Variants in LY96 observed in about 807,000 individuals in gnomAD.
LY96 encodes myeloid differentiation protein-2.
Under a neutral mutation model 18.9 loss-of-function variants are expected in LY96, and 18 were observed. That is an observed-to-expected ratio of 0.95 (90% CI 0.66 to 1.41). The LOEUF is 1.41. Among genes scored for constraint, LY96 ranks in the 40% most tolerant of loss-of-function variants. The probability of loss-of-function intolerance (pLI) is 0.00; values close to 1 mark genes in which losing one functional copy is unlikely to be tolerated. For synonymous variants in LY96, 66 were observed against 62.6 expected, an observed-to-expected ratio of 1.06 and a Z score of -0.26; for missense variants, 175 against 182.4, an observed-to-expected ratio of 0.96 and a Z score of 0.23.
the LY96 span, among the ~76,000 whole-genome samples, chr8:74,072,332 A>C: frequency 6.6e-6 from 1 of 152,170 alleles, no homozygotes. Context: ...TCCTAATGAA[A>C]TTAAAAATTT....
At chr8:74,008,039 C>T (rs142840016) in intron 2 of LY96, among the ~76,000 whole-genome samples, 1,725 of 152,302 alleles carry the variant, frequency 0.011, 33 homozygotes, top group African/African-American at 0.04. Flanking sequence ...GGATTACAGG[C>T]GTGAGCCACC....
intron 3 of LY96, among the ~76,000 whole-genome samples, chr8:74,020,270 C>A (rs1310974626): frequency 6.6e-6 from 1 of 152,102 alleles, no homozygotes; most frequent in Non-Finnish European, 1.5e-5. Context: ...TCCTATACAC[C>A]AATAACAGAC....
intron 3 of LY96, among the ~76,000 whole-genome samples, chr8:74,019,138 A>AT (rs1212964191): frequency 6.6e-6 from 1 of 152,144 alleles, no homozygotes; most frequent in Non-Finnish European, 1.5e-5. Flanking sequence ...CCAGGAGCTG[A>AT]TTTTTTGAAA....
the LY96 span, among the ~76,000 whole-genome samples, chr8:74,067,179 G>A: frequency 9.2e-5 from 14 of 152,178 alleles, no homozygotes; most frequent in African/African-American, 3.4e-4. Context: ...GTGCATGACA[G>A]CCCTCCCTTC....
the LY96 span, among the ~76,000 whole-genome samples, chr8:74,046,335 C>G: frequency 6.6e-6 from 1 of 152,122 alleles, no homozygotes; most frequent in East Asian, 1.9e-4. Context: ...GTCAAGTGTT[C>G]ACAAAGACCT....
At chr8:74,007,425 T>C (rs1242957425) in intron 2 of LY96, among the ~76,000 whole-genome samples, 1 of 152,214 alleles carries the variant, frequency 6.6e-6, no homozygotes, top group Non-Finnish European at 1.5e-5. Flanking sequence ...TTCAGTCATA[T>C]TTTTATAGCG....
At chr8:74,055,454 G>T in the LY96 span, among the ~76,000 whole-genome samples, 122 of 152,162 alleles carry the variant, frequency 8.0e-4, no homozygotes, top group African/African-American at 2.8e-3. Flanking sequence ...TATTCAAAGT[G>T]CCAGTCATAA....
intron 1 of LY96, among the ~76,000 whole-genome samples, chr8:73,996,564 T>C (rs1434519698): frequency 6.6e-6 from 1 of 151,866 alleles, no homozygotes; most frequent in Non-Finnish European, 1.5e-5. Context: ...ACTACAGCCA[T>C]GCATCACCAT....
the LY96 span, among the ~76,000 whole-genome samples, chr8:74,046,755 T>G: frequency 6.6e-6 from 1 of 152,294 alleles, no homozygotes; most frequent in South Asian, 2.1e-4. Flanking sequence ...GGGTAAACTA[T>G]GAATTTATCC....
Position 74,009,400 on chromosome 8 carries a change from G to GAAGAAAAGAA in LY96, c.203-589_203-580dup, listed in dbSNP as rs370257053. Among the ~76,000 whole-genome samples, 209 of 111,072 alleles carry GAAGAAAAGAA rather than the reference G, an allele frequency of 1.9e-3. 2 individuals are homozygous for GAAGAAAAGAA. Among genetic ancestry groups the GAAGAAAAGAA allele is most frequent in the African/African-American group, 6.7e-3 (189 of 28,268 alleles). 72.9% of individuals were successfully genotyped at this position (111,072 alleles called of 152,430 possible). A position where few individuals can be genotyped will look rare whatever the true frequency, so the allele number is the denominator to read the frequency against. ...AAAAAAAAAAAAAAAAAAAAAAAAA[G>GAAGAAAAGAA]AAGAAAAGAAAAGAAAAGAAAGAAA... On this transcript the variant is annotated intron_variant, in intron 2 of 4. Transcript: ENST00000284818.
Position 74,002,057 on chromosome 8 carries a change from TCC to T in LY96, c.113-2738_113-2737del, listed in dbSNP as rs1324507576. Among the ~76,000 whole-genome samples the T allele has an allele frequency of 2.0e-3, 84 of 41,810 alleles. 9 individuals carry two copies. The East Asian group carries it at 0.024, about 12-fold the overall frequency. The allele number at this position is 41,810 out of a possible 152,430, so 27.4% of individuals were successfully genotyped here. A position where few individuals can be genotyped will look rare whatever the true frequency, so the allele number is the denominator to read the frequency against. ...TTCCTTCCTTCCTTCCTTCCTTCCT[TCC>T]TTCCTTCCTTCCTTCCTTTCTTTCT... On this transcript the variant is annotated intron_variant, in intron 1 of 4. Transcript: ENST00000284818.
Position 74,001,975 on chromosome 8 carries a change from C to CTTCA in LY96, c.113-2818_113-2817insATTC, listed in dbSNP as rs1233200199. On this transcript the variant is annotated intron_variant, in intron 1 of 4. Transcript: ENST00000284818. ...CCTTCCTTCCTTCCTTCCTTCCTTC[C>CTTCA]TTCCCTCCCTCCCTCCCTCCTTTCT... is the stretch of plus-strand genomic sequence containing the variant. 1.1e-4 allele frequency among the ~76,000 whole-genome samples: 15 copies of CTTCA among 137,120 alleles called. 2 individuals carry two copies. The highest frequency in any genetic ancestry group is 4.0e-4 in the African/African-American group (14 of 34,776). 90.0% of individuals were successfully genotyped at this position (137,120 alleles called of 152,430 possible).
chr8:74,081,087 C>CTCTTTCTTTCTTTCTTTCTTTCTT, the LY96 span, among the ~76,000 whole-genome samples: 102 of 93,018 alleles, frequency 1.1e-3, 3 homozygotes, highest in East Asian at 3.2e-3. Flanking sequence ...TTCTCTTTCT[C>CTCTTTCTTTCTTTCTTTCTTTCTT]TCTTTCTTTC....
the LY96 span, among the ~76,000 whole-genome samples, chr8:74,076,301 C>A: frequency 6.6e-6 from 1 of 151,640 alleles, no homozygotes; most frequent in Non-Finnish European, 1.5e-5. Flanking sequence ...GCCAAGGATT[C>A]CTGATTCCAA....
chr8:74,092,332 A>T, the LY96 span, among the ~76,000 whole-genome samples: 5 of 152,286 alleles, frequency 3.3e-5, no homozygotes, highest in East Asian at 9.7e-4. Context: ...TAAAAGGAAA[A>T]CAGGGAAAAT....
the LY96 span, among the ~76,000 whole-genome samples, chr8:74,060,974 T>C: frequency 3.3e-5 from 5 of 152,262 alleles, no homozygotes; most frequent in Non-Finnish European, 7.3e-5. Flanking sequence ...TGAGCATTTC[T>C]ATACCTTCGT....
chr8:74,052,614 T>C, the LY96 span: 1 of 152,324 alleles, frequency 6.6e-6, no homozygotes, highest in South Asian at 2.1e-4. Flanking sequence ...GGCCTGTTGG[T>C]GGCATGGTGA....
chr8:74,026,228 T>C (rs534137989), intron 3 of LY96, among the ~76,000 whole-genome samples: 20 of 152,384 alleles, frequency 1.3e-4, no homozygotes, highest in Admixed American at 1.2e-3. Flanking sequence ...CCACATTCAC[T>C]ACTTTGTTCT....
At chr8:74,075,429 G>A in the LY96 span, among the ~76,000 whole-genome samples, 2 of 152,150 alleles carry the variant, frequency 1.3e-5, no homozygotes, top group East Asian at 1.9e-4. Flanking sequence ...CCCTACTACA[G>A]TTAGTTTTTA....
Sources: gnomAD v4.1 joint callset for allele counts (sites outside exome capture counted in the v4.1 genomes callset) on GRCh38, gnomAD v4.1.1 for gene constraint, MANE v1.5 for transcripts, NCBI Gene and HGNC (gene_info 2026-07-23, HGNC 2026-07-21) for gene names.